ERP44: variants seen among roughly 807,000 people sequenced by gnomAD.
ERP44 encodes the protein endoplasmic reticulum protein 44.
In ERP44, 25 loss-of-function variants were observed where a neutral mutation model predicts 53.4. That is an observed-to-expected ratio of 0.47 (90% CI 0.34 to 0.65). The LOEUF is 0.65. Among genes scored for constraint, ERP44 ranks in the 30% least tolerant of loss-of-function variants. The pLI, the probability that ERP44 is intolerant of heterozygous loss-of-function variation, is 0.01. For synonymous variants in ERP44, 145 were observed against 161.2 expected, an observed-to-expected ratio of 0.90 and a Z score of 0.76; for missense variants, 338 against 493.2, an observed-to-expected ratio of 0.69 and a Z score of 2.98.
chr9:100,000,435 C>CAAAAAAA (rs34304276), intron 10 of ERP44, among the ~76,000 whole-genome samples: 155 of 123,970 alleles, frequency 1.3e-3, no homozygotes, highest in African/African-American at 4.2e-3. Context: ...GATCCTGTAT[C>CAAAAAAA]AAAAAAAAAA....
In ERP44 at chr9:100,006,493, A is replaced by G; in HGVS notation, c.1016+13T>C. 2 of 1,584,144 alleles carry G rather than the reference A, an allele frequency of 1.3e-6. No individual in the cohort carries two copies. Among genetic ancestry groups the G allele is most frequent in the Non-Finnish European group, 1.7e-6 (2 of 1,165,318 alleles). ...CATATCAGTAATTTTTAAAAAACAA[A>G]ATGAATACTCACAATACATCTTTGA... On this transcript the variant is annotated intron_variant, in intron 10 of 11. Coordinates refer to ENST00000262455, the MANE Select transcript of ERP44 (RefSeq NM_015051.3).
At chr9:99,986,609 T>C (rs1409751909) in intron 10 of ERP44, among the ~76,000 whole-genome samples, 4 of 152,168 alleles carry the variant, frequency 2.6e-5, no homozygotes, top group Non-Finnish European at 4.4e-5. Context: ...TTATCCTCTC[T>C]TGAGGTCCCG....
intron 1 of ERP44, among the ~76,000 whole-genome samples, chr9:100,068,373 A>C (rs1826253513): frequency 9.1e-6 from 1 of 110,102 alleles, no homozygotes; most frequent in Non-Finnish European, 1.8e-5. Flanking sequence ...CCCGTCCGGG[A>C]GGGAGGTGGG....
At chr9:100,054,180 T>C (rs1300180563) in intron 3 of ERP44, among the ~76,000 whole-genome samples, 2 of 152,186 alleles carry the variant, frequency 1.3e-5, no homozygotes, top group African/African-American at 2.4e-5. Flanking sequence ...GTGGACATCA[T>C]GGACCGTGTC....
chr9:100,064,598 G>C (rs1434308007), intron 1 of ERP44, among the ~76,000 whole-genome samples: 1 of 152,130 alleles, frequency 6.6e-6, no homozygotes, highest in Admixed American at 6.5e-5. Context: ...TTAACAGTTG[G>C]TTCCCCCAGC....
intron 4 of ERP44, among the ~76,000 whole-genome samples, chr9:100,042,610 C>T (rs1006124480): frequency 6.6e-6 from 1 of 152,192 alleles, no homozygotes; most frequent in Non-Finnish European, 1.5e-5. Context: ...TTTGCACTCC[C>T]ATGTTCATTG....
Position 100,098,785 on chromosome 9 carries a change from A to G in ERP44, c.56T>C (p.Leu19Pro). 1 of 1,613,492 alleles carries G rather than the reference A, an allele frequency of 6.2e-7. No homozygotes were observed. Among genetic ancestry groups the G allele is most frequent in the Non-Finnish European group, 8.5e-7 (1 of 1,179,484 alleles). The change falls in exon 1 of 12, where the codon CTG becomes CCG. Residue 19 changes from leucine to proline, a missense_variant and splice_region_variant. By Grantham distance (98) the Leu-to-Pro change is moderately conservative. Around this residue, in one of 3 missense-constraint regions of ERP44, gnomAD observed 224 missense variants for 301.4 expected, o/e 0.74. Coordinates refer to ENST00000262455, the MANE Select transcript of ERP44 (RefSeq NM_015051.3). Reference sequence around the variant, plus strand: ...TGGGTCTGTCATTCCCTCACTCACCAGGAGCAGAAGGGAGCATCTGAGGTC... The same window carrying G: ...TGGGTCTGTCATTCCCTCACTCACCGGGAGCAGAAGGGAGCATCTGAGGTC... Reference protein sequence around the residue: ...LPDLRCSLLLLVTWVFTPVTT... With the variant: ...LPDLRCSLLLPVTWVFTPVTT...
Position 100,018,419 on chromosome 9 carries a change from C to T in ERP44, c.588-106G>A. ...ATCCATCATCTTCCCTATTACAAGA[C>T]TATGCAATACCAAGAAAAGTATACA... On this transcript the variant is annotated intron_variant, in intron 6 of 11. Coordinates refer to ENST00000262455, the MANE Select transcript of ERP44 (RefSeq NM_015051.3). The T allele has an allele frequency of 8.4e-6, 6 of 710,080 alleles. 1 individual carries two copies. The South Asian group carries it at 9.4e-5, about 11-fold the overall frequency. 44.0% of individuals were successfully genotyped at this position (710,080 alleles called of 1,614,324 possible). A position where few individuals can be genotyped will look rare whatever the true frequency, so the allele number is the denominator to read the frequency against.
At chr9:100,074,212 C>G (rs1187874205) in intron 1 of ERP44, among the ~76,000 whole-genome samples, 2 of 152,118 alleles carry the variant, frequency 1.3e-5, no homozygotes, top group East Asian at 3.9e-4. Context: ...ACAGGAGTCC[C>G]CAAACCCAAG....
At chr9:100,052,237 T>C (rs1339436565) in intron 4 of ERP44, among the ~76,000 whole-genome samples, 180 bp downstream of exon 4, 1 of 150,358 alleles carries the variant, frequency 6.7e-6, no homozygotes, top group Non-Finnish European at 1.5e-5. Flanking sequence ...AAAAATTAAA[T>C]AGTAACAATT....
chr9:100,032,533 G>A (rs1316792054), intron 4 of ERP44, among the ~76,000 whole-genome samples: 1 of 151,966 alleles, frequency 6.6e-6, no homozygotes, highest in African/African-American at 2.4e-5. Context: ...GCTTTCTTTG[G>A]GCCGTATTTG....
At chr9:99,985,878 T>C (rs1002356609) in intron 10 of ERP44, among the ~76,000 whole-genome samples, 1 of 152,226 alleles carries the variant, frequency 6.6e-6, no homozygotes, top group African/African-American at 2.4e-5. Context: ...TTGTTTTGTT[T>C]TGGAGATCTT....
chr9:100,072,351 A>G (rs1475858114), intron 1 of ERP44, among the ~76,000 whole-genome samples: 1 of 152,134 alleles, frequency 6.6e-6, no homozygotes, highest in Non-Finnish European at 1.5e-5. Flanking sequence ...ACTTGCTGTG[A>G]GATGGAGGTA....
In ERP44 at chr9:100,077,954, G is replaced by A. The variant is rs570228358; in HGVS notation, c.58-17782C>T. ...AATGAAGGTTTGGGTCACTCCACCA[G>A]GAAAAAAAACACAACCACCAGGAAA... On this transcript the variant is annotated intron_variant, in intron 1 of 11. Transcript: ENST00000262455. Among the ~76,000 whole-genome samples the A allele has an allele frequency of 1.1e-4, 17 of 151,950 alleles. No homozygotes were observed. In the East Asian group the frequency reaches 3.3e-3, roughly 29 times the overall value.
Position 100,011,792 on chromosome 9 carries a change from T to TA in ERP44, c.763-4104dup, listed in dbSNP as rs984118983. On this transcript the variant is annotated intron_variant, in intron 8 of 11. Coordinates refer to ENST00000262455, the MANE Select transcript of ERP44 (RefSeq NM_015051.3). Reference sequence around the variant, plus strand: ...AAAAAAGCAACAGAACATTACTGAATAAAAAAATACTCTGGTCACTAAGAA... The same window carrying TA: ...AAAAAAGCAACAGAACATTACTGAATAAAAAAAATACTCTGGTCACTAAGAA... Among the ~76,000 whole-genome samples, 8 of 152,212 alleles carry TA rather than the reference T, an allele frequency of 5.3e-5. No individual in the cohort carries two copies. In the East Asian group the frequency reaches 9.6e-4, roughly 18 times the overall value.
intron 10 of ERP44, among the ~76,000 whole-genome samples, chr9:100,004,715 T>C (rs1473013860): frequency 6.6e-6 from 1 of 152,206 alleles, no homozygotes; most frequent in East Asian, 1.9e-4. Flanking sequence ...CAATGCATCA[T>C]TTCTTTACTA....
At chr9:100,088,475 C>A (rs971773207) in intron 1 of ERP44, among the ~76,000 whole-genome samples, 2 of 152,226 alleles carry the variant, frequency 1.3e-5, no homozygotes, top group Non-Finnish European at 2.9e-5. Context: ...GTGATGCTTA[C>A]AAACTACAAC....
chr9:99,983,551 C>CAAAAAAAAAAAAA (rs59132233), intron 11 of ERP44, among the ~76,000 whole-genome samples: 1 of 66,974 alleles, frequency 1.5e-5, no homozygotes. Flanking sequence ...GACTCCGTCT[C>CAAAAAAAAAAAAA]AAAAAAAAAA....
chr9:99,993,639 A>G (rs978075392), intron 10 of ERP44, among the ~76,000 whole-genome samples: 1 of 152,230 alleles, frequency 6.6e-6, no homozygotes, highest in African/African-American at 2.4e-5. Context: ...AAGCAATGGC[A>G]ACAAAAGCCA....
Sources: gnomAD v4.1 joint callset for allele counts (sites outside exome capture counted in the v4.1 genomes callset) on GRCh38, gnomAD v4.1.1 for gene constraint, gnomAD v4.1.1 regional missense constraint, MANE v1.5 for transcripts, NCBI Gene and HGNC (gene_info 2026-07-23, HGNC 2026-07-21) for gene names.